The following LTBP4 variants were observed in gnomAD, a reference collection of about 807,000 sequenced individuals.
The protein encoded by LTBP4 is latent-transforming growth factor beta-binding protein 4.
In LTBP4, 93 loss-of-function variants were observed where a neutral mutation model predicts 180.2. The ratio of observed to expected loss-of-function variants is 0.52; its 90% CI spans 0.44 to 0.61. The LOEUF (loss-of-function observed/expected upper bound fraction) is 0.61, where lower values mean the gene tolerates loss of function less well. Among genes scored for constraint, LTBP4 ranks in the 20% least tolerant of loss-of-function variants. The pLI is 0.00. For missense variants in LTBP4, 2,116 were observed against 2,256.5 expected (o/e 0.94, Z 1.26); for synonymous variants, 947 against 934.5 (o/e 1.01, Z -0.24).
In LTBP4 at chr19:40,605,875, G is replaced by C; in HGVS notation, c.793+44G>C. ...CCGAAGTGCTCGGAGCTGGGGAGTG[G>C]TGACAACCTCACCGTTCCTCCTACT... On this transcript the variant is annotated intron_variant, in intron 4 of 29. Transcript: ENST00000396819. The surrounding 1 kb of genome is among the most constrained non-coding windows in gnomAD (Gnocchi z 5.5). The C allele has an allele frequency of 1.3e-6, 2 of 1,518,750 alleles. No homozygotes were observed. Among genetic ancestry groups the C allele is most frequent in the Non-Finnish European group, 1.8e-6 (2 of 1,133,880 alleles). The allele number at this position is 1,518,750 out of a possible 1,614,324, so 94.1% of individuals were successfully genotyped here.
At chr19:40,607,635 CT>C in intron 7 of LTBP4, 106 bp downstream of exon 7, 5 of 1,312,882 alleles carry the variant, frequency 3.8e-6, no homozygotes, top group Non-Finnish European at 4.1e-6. Context: ...ACTGGCTGGG[CT>C]CCAGCCTTGG....
At position 40,605,547 on chromosome 19, in the gene LTBP4, G is replaced by A; in HGVS notation, c.585G>A (p.Glu195=). The change falls in exon 3 of 30, where the codon GAG becomes GAA. Residue 195 remains glutamate, a synonymous_variant. Coordinates refer to ENST00000396819, the MANE Select transcript of LTBP4 (RefSeq NM_001042545.2). The surrounding 1 kb of genome is among the most constrained non-coding windows in gnomAD (Gnocchi z 5.5). ...GGGCGGAAGCGGCGGCGCGGGCGGA[G>A]GCGGCAGCGCCCTACACGGTGTTGG... The part of the protein sequence containing the change: ...VARAEAAARA[E]AAAPYTVLAQ... The A allele has an allele frequency of 1.2e-6, 2 of 1,605,544 alleles. No individual in the cohort carries two copies. Among genetic ancestry groups the A allele is most frequent in the Non-Finnish European group, 1.7e-6 (2 of 1,177,072 alleles).
At chr19:40,627,957 G>T in intron 29 of LTBP4, 100 bp downstream of exon 29, 1 of 1,445,000 alleles carries the variant, frequency 6.9e-7, no homozygotes, top group East Asian at 2.5e-5. Context: ...GACGGGAAAG[G>T]ACCTCACTAC....
Position 40,627,179 on chromosome 19 carries a change from C to T in LTBP4, c.4190C>T (p.Ala1397Val), listed in dbSNP as rs2081640900. ...CCTGGGCCCTTCGCCCGCCGGGAGG[C>T]TCCTTATGGGGCACCCCGCTTCGAC... ...PPPGPFARRE[A>V]PYGAPRFDMP... Residue 1397 changes from alanine (A) to valine (V), a missense_variant, in exon 28 of 30, where the codon GCT becomes GTT. Physicochemically the swap from Ala to Val is moderately conservative, Grantham distance 64. Coordinates refer to ENST00000396819, the MANE Select transcript of LTBP4 (RefSeq NM_001042545.2). 2.5e-6 allele frequency: 4 copies of T among 1,613,240 alleles called. No homozygotes were observed. The highest frequency in any genetic ancestry group is 1.1e-5 in the South Asian group (1 of 90,938).
At chr19:40,597,354 C>A (rs1213289405), upstream of LTBP4, 3 of 1,521,316 alleles carry the variant, frequency 2.0e-6, no homozygotes, top group Non-Finnish European at 2.6e-6. Flanking sequence ...TCGTCGAGGT[C>A]CCGGGGGTCC....
In LTBP4 at chr19:40,629,511, C is replaced by CG; in HGVS notation, c.4635_4636insG (p.Gln1546AlafsTer97). On this transcript the variant is annotated frameshift_variant, in exon 30 of 30. Coordinates refer to ENST00000396819, the MANE Select transcript of LTBP4 (RefSeq NM_001042545.2). LOFTEE classifies it high-confidence loss of function. This position sits in a 1 kb window ranked among gnomAD's most constrained non-coding sequence, Gnocchi z 4.5. The stretch of plus-strand genomic sequence containing the variant: ...GCCGCCCGGGATTCGCACCCACGCA[C>CG]CAGCCGCACCACTGTGCGCCCGCAC... The CG allele has an allele frequency of 6.3e-7, 1 of 1,596,232 alleles. No homozygotes were observed. Among genetic ancestry groups the CG allele is most frequent in the African/African-American group, 1.3e-5 (1 of 74,270 alleles).
chr19:40,601,381 T>C lies in LTBP4; in HGVS notation c.-7T>C, dbSNP rs1432630972. 4.0e-6 allele frequency: 5 copies of C among 1,250,230 alleles called. No homozygotes were observed. Among genetic ancestry groups the C allele is most frequent in the Non-Finnish European group, 5.0e-6 (5 of 993,604 alleles). 77.4% of individuals were successfully genotyped at this position (1,250,230 alleles called of 1,614,324 possible). A position where few individuals can be genotyped will look rare whatever the true frequency, so the allele number is the denominator to read the frequency against. On this transcript the variant is annotated 5_prime_UTR_variant, in exon 1 of 30. Coordinates refer to ENST00000396819, the MANE Select transcript of LTBP4 (RefSeq NM_001042545.2). ...GCGGCGGCGCGGCGGAGCGCGGCGC[T>C]GCAGCCATGGCGGGCGGCGTGCGGC... is the stretch of plus-strand genomic sequence containing the variant.
At chr19:40,627,897 G>A in intron 29 of LTBP4, 40 bp downstream of exon 29, 1 of 1,535,638 alleles carries the variant, frequency 6.5e-7, no homozygotes, top group Non-Finnish European at 8.7e-7. Flanking sequence ...AGGGAGAGGC[G>A]AGGCTTGTCC....
chr19:40,602,440 C>A (rs781370559), intron 1 of LTBP4, among the ~76,000 whole-genome samples: 48 of 152,140 alleles, frequency 3.2e-4, no homozygotes, highest in Non-Finnish European at 6.6e-4. Flanking sequence ...CCCCCTACCC[C>A]GCAGACCCTA....
At chr19:40,598,944 C>T (rs912899410), upstream of LTBP4, among the ~76,000 whole-genome samples, 1 of 152,056 alleles carries the variant, frequency 6.6e-6, no homozygotes, top group African/African-American at 2.4e-5. Flanking sequence ...CGTATTTTTT[C>T]AATAAAATCG....
chr19:40,623,468 C>A, intron 24 of LTBP4, 136 bp from the exon 25 acceptor site: 1 of 1,155,014 alleles, frequency 8.7e-7, no homozygotes, highest in Non-Finnish European at 1.2e-6. Flanking sequence ...AGCCACCGCT[C>A]CTGGCCTCTC....
At chr19:40,624,137 G>A (rs1218558841) in intron 26 of LTBP4, 55 bp downstream of exon 26, 14 of 1,467,766 alleles carry the variant, frequency 9.5e-6, no homozygotes, top group Admixed American at 2.3e-5. Context: ...CCTCACACCC[G>A]CACCCGGGCC....
intron 25 of LTBP4, 76 bp from the exon 26 acceptor site, chr19:40,623,860 G>GC (rs2081604937): frequency 1.3e-6 from 2 of 1,599,882 alleles, no homozygotes; most frequent in Admixed American, 3.4e-5. Flanking sequence ...CCATCACACT[G>GC]CCAATGTGCT....
chr19:40,605,118 T>C lies in LTBP4; in HGVS notation c.334T>C (p.Phe112Leu), dbSNP rs1425211417. ...CTGTCCCCCGGACTTCGCTGGCAAGTTCTGCCAGTTGCACTCCTCGGGCGC... is the reference window on the plus strand; with the variant it reads ...CTGTCCCCCGGACTTCGCTGGCAAGCTCTGCCAGTTGCACTCCTCGGGCGC... Reference protein sequence around the residue: ...CLCPPDFAGKFCQLHSSGARP... With the variant: ...CLCPPDFAGKLCQLHSSGARP... Residue 112 changes from phenylalanine (F) to leucine (L), a missense_variant, in exon 2 of 30, where the codon TTC becomes CTC. Phe to Leu is a conservative substitution (Grantham distance 22). Coordinates refer to ENST00000396819, the MANE Select transcript of LTBP4 (RefSeq NM_001042545.2). The surrounding 1 kb of genome is among the most constrained non-coding windows in gnomAD (Gnocchi z 5.5). 6.2e-7 allele frequency: 1 copy of C among 1,613,850 alleles called. No individual in the cohort carries two copies. Among genetic ancestry groups the C allele is most frequent in the Non-Finnish European group, 8.5e-7 (1 of 1,179,846 alleles).
rs1202773318 is a variant in LTBP4 at position 40,609,672 on chromosome 19, C to T, written c.1558+11C>T. 2.5e-6 allele frequency: 4 copies of T among 1,612,356 alleles called. No homozygotes were observed. In the Admixed American group the frequency reaches 5.0e-5, roughly 20 times the overall value. Reference sequence around the variant, plus strand: ...GCACCCGATGCATTGGTGAGCAAGACGGAGGGCGCGGAAGGAGGCGGGGCG... The same window carrying T: ...GCACCCGATGCATTGGTGAGCAAGATGGAGGGCGCGGAAGGAGGCGGGGCG... On this transcript the variant is annotated intron_variant, in intron 10 of 29. Transcript: ENST00000396819. This position sits in a 1 kb window ranked among gnomAD's most constrained non-coding sequence, Gnocchi z 4.9.
In LTBP4 at chr19:40,613,650, CAG is replaced by C; in HGVS notation, c.2557+122_2557+123del. 1 of 1,471,498 alleles carries C rather than the reference CAG, an allele frequency of 6.8e-7. No individual in the cohort carries two copies. Among genetic ancestry groups the C allele is most frequent in the East Asian group, 2.5e-5 (1 of 40,232 alleles). The allele number at this position is 1,471,498 out of a possible 1,614,324, so 91.2% of individuals were successfully genotyped here. A position where few individuals can be genotyped will look rare whatever the true frequency, so the allele number is the denominator to read the frequency against. ...TTTAGCCGGGGTATTCCAGCAGGAT[CAG>C]GGGGCAGCTGGTGGGAGTCTCGAGG... On this transcript the variant is annotated intron_variant, in intron 17 of 29. Coordinates refer to ENST00000396819, the MANE Select transcript of LTBP4 (RefSeq NM_001042545.2). This position sits in a 1 kb window ranked among gnomAD's most constrained non-coding sequence, Gnocchi z 5.0.
At chr19:40,612,024 G>C (rs1227073943) in intron 14 of LTBP4, 40 bp downstream of exon 14, 4 of 1,612,462 alleles carry the variant, frequency 2.5e-6, no homozygotes, top group Non-Finnish European at 3.4e-6. Context: ...GATGGGTGAG[G>C]GGGGAGTTGG....
intron 25 of LTBP4, 76 bp downstream of exon 25, chr19:40,623,808 G>A: frequency 2.5e-6 from 4 of 1,599,758 alleles, no homozygotes; most frequent in Non-Finnish European, 3.4e-6. Flanking sequence ...CTGGAATGTG[G>A]CCACCACCAG....
At position 40,608,243 on chromosome 19, in the gene LTBP4, G is replaced by T; in HGVS notation, c.1180G>T (p.Ala394Ser). ...AGAGGGTTTCCGGGAGATCTGCCCG[G>T]CTGGTCCTGGTTACCACTACTCGGC... The part of the protein sequence containing the change: ...GSEGFREICP[A>S]GPGYHYSASD... Residue 394 changes from alanine (A) to serine (S), a missense_variant, in exon 8 of 30, where the codon GCT becomes TCT. This residue lies in a region of LTBP4 where 877 missense variants were observed against 873.6 expected (regional missense o/e 1.00). Transcript: ENST00000396819. The T allele has an allele frequency of 6.2e-7, 1 of 1,613,870 alleles. No homozygotes were observed. The highest frequency in any genetic ancestry group is 8.5e-7 in the Non-Finnish European group (1 of 1,179,872).
Sources: allele counts gnomAD v4.1 joint callset (sites outside exome capture counted in the v4.1 genomes callset), GRCh38; gene constraint gnomAD v4.1.1; regional missense constraint gnomAD v4.1.1; non-coding constraint Gnocchi (gnomAD v3.1); transcripts MANE v1.5; gene names NCBI Gene and HGNC (gene_info 2026-07-23, HGNC 2026-07-21).